DAB1: variants seen among roughly 807,000 people sequenced by gnomAD.
DAB1 encodes DAB adaptor protein 1, also known as disabled homolog 1.
Under a neutral mutation model 64.6 loss-of-function variants are expected in DAB1, and 15 were observed. That is an observed-to-expected ratio of 0.23 (90% CI 0.16 to 0.36). The LOEUF (loss-of-function observed/expected upper bound fraction) is 0.36. Among genes scored for constraint, DAB1 ranks in the 10% least tolerant of loss-of-function variants. DAB1 has a pLI of 1.00. For synonymous variants in DAB1, 235 were observed against 251.9 expected, an observed-to-expected ratio of 0.93 and a Z score of 0.64; for missense variants, 596 against 706.7, an observed-to-expected ratio of 0.84 and a Z score of 1.78.
intron 5 of DAB1, among the ~76,000 whole-genome samples, chr1:58,132,219 T>C (rs1653647077): frequency 6.6e-6 from 1 of 152,120 alleles, no homozygotes; most frequent in Non-Finnish European, 1.5e-5. Flanking sequence ...TGACCCGATT[T>C]TCCAGGTGCG....
intron 3 of DAB1, among the ~76,000 whole-genome samples, chr1:58,418,094 T>C (rs1398358458): frequency 1.3e-5 from 2 of 152,152 alleles, no homozygotes; most frequent in African/African-American, 2.4e-5. Context: ...ACCAAGGCAC[T>C]GTGCAATTCC....
intron 7 of DAB1, among the ~76,000 whole-genome samples, chr1:57,454,772 G>T (rs1686519869): frequency 6.6e-6 from 1 of 152,084 alleles, no homozygotes; most frequent in Non-Finnish European, 1.5e-5. Context: ...TGTGGCTAAA[G>T]ACCCCAGAAA....
chr1:58,373,205 G>A (rs1160259788), intron 3 of DAB1, among the ~76,000 whole-genome samples: 1 of 147,154 alleles, frequency 6.8e-6, no homozygotes, highest in African/African-American at 2.5e-5. Flanking sequence ...AAGTTTTAGG[G>A]TACATGTGCA....
At chr1:58,434,318 G>T (rs974381592) in intron 3 of DAB1, among the ~76,000 whole-genome samples, 3 of 151,886 alleles carry the variant, frequency 2.0e-5, no homozygotes, top group African/African-American at 7.3e-5. Flanking sequence ...ATGGTGAGAA[G>T]TAGTAGCTCT....
intron 3 of DAB1, among the ~76,000 whole-genome samples, chr1:58,499,775 T>A (rs920833475): frequency 2.0e-5 from 3 of 148,318 alleles, no homozygotes; most frequent in Admixed American, 6.7e-5. Context: ...TAAAAAATTT[T>A]AAAAATTAGT....
chr1:57,674,995 T>C (rs1250788689), intron 6 of DAB1, among the ~76,000 whole-genome samples: 1 of 152,182 alleles, frequency 6.6e-6, no homozygotes. Context: ...GAAATGTATG[T>C]GTCACTTCTG....
intron 1 of DAB1, among the ~76,000 whole-genome samples, chr1:57,321,994 C>T (rs1369434196): frequency 6.6e-6 from 1 of 152,250 alleles, no homozygotes; most frequent in Non-Finnish European, 1.5e-5. Context: ...ATGGCTCTCA[C>T]TGGCACAAAG....
intron 4 of DAB1, among the ~76,000 whole-genome samples, chr1:57,120,270 A>G (rs535261432): frequency 2.0e-5 from 3 of 152,252 alleles, no homozygotes; most frequent in Middle Eastern, 3.4e-3. Context: ...ATGAAATGAG[A>G]CCATTTTTAC....
intron 5 of DAB1, among the ~76,000 whole-genome samples, chr1:57,960,550 A>G (rs1645495113): frequency 6.6e-6 from 1 of 152,174 alleles, no homozygotes; most frequent in Non-Finnish European, 1.5e-5. Context: ...ATAGTTGAAT[A>G]AGGTAGTATA....
At chr1:57,693,717 C>G (rs1646791869) in intron 6 of DAB1, among the ~76,000 whole-genome samples, 1 of 152,144 alleles carries the variant, frequency 6.6e-6, no homozygotes, top group Non-Finnish European at 1.5e-5. Flanking sequence ...AGGTCTGCGG[C>G]TTCATTCTTG....
chr1:57,526,980 A>G (rs935169444), intron 7 of DAB1, among the ~76,000 whole-genome samples: 2 of 152,136 alleles, frequency 1.3e-5, no homozygotes, highest in Non-Finnish European at 2.9e-5. Flanking sequence ...CCCATTTAAT[A>G]CTCACCTCAA....
chr1:57,111,067 G>C (rs780152879), intron 4 of DAB1, among the ~76,000 whole-genome samples: 1 of 152,070 alleles, frequency 6.6e-6, no homozygotes, highest in Non-Finnish European at 1.5e-5. Context: ...GAAAGAAGAT[G>C]AATTCTTTGG....
intron 5 of DAB1, among the ~76,000 whole-genome samples, chr1:57,927,667 T>C (rs891030481): frequency 3.9e-5 from 6 of 152,236 alleles, no homozygotes; most frequent in Non-Finnish European, 8.8e-5. Context: ...CGACTTGTTA[T>C]GTTAAGTCAG....
At chr1:58,512,782 TAA>T (rs1200327350) in intron 2 of DAB1, among the ~76,000 whole-genome samples, 1 of 152,136 alleles carries the variant, frequency 6.6e-6, no homozygotes, top group Non-Finnish European at 1.5e-5. Flanking sequence ...TCAATGGATA[TAA>T]AGTCTCAGTT....
At chr1:58,326,665 A>G (rs1275369532) in intron 4 of DAB1, among the ~76,000 whole-genome samples, 1 of 152,230 alleles carries the variant, frequency 6.6e-6, no homozygotes, top group Non-Finnish European at 1.5e-5. Flanking sequence ...GTGGAAACCA[A>G]GGCCCAGAAA....
intron 7 of DAB1, among the ~76,000 whole-genome samples, chr1:57,432,333 AT>A (rs74260675): frequency 1.1e-3 from 168 of 148,544 alleles, no homozygotes; most frequent in East Asian, 2.8e-3. Flanking sequence ...CTACCTGGTA[AT>A]TTTTTTTTTT....
intron 5 of DAB1, among the ~76,000 whole-genome samples, chr1:58,103,574 C>T (rs1651456344): frequency 6.6e-6 from 1 of 152,136 alleles, no homozygotes; most frequent in Admixed American, 6.5e-5. Flanking sequence ...CAGTATGGCT[C>T]CATACTGCAC....
intron 6 of DAB1, among the ~76,000 whole-genome samples, chr1:57,719,347 T>C (rs956945734): frequency 3.3e-5 from 5 of 152,176 alleles, no homozygotes; most frequent in African/African-American, 1.2e-4. Flanking sequence ...ACAGGGTTTG[T>C]ACGTTTAAAA....
At chr1:58,409,705 G>T (rs1200191228) in intron 3 of DAB1, among the ~76,000 whole-genome samples, 1 of 152,170 alleles carries the variant, frequency 6.6e-6, no homozygotes, top group Non-Finnish European at 1.5e-5. Flanking sequence ...ATTCCATGGA[G>T]TTATATGATC....
Sources: allele counts gnomAD v4.1 joint callset (sites outside exome capture counted in the v4.1 genomes callset), GRCh38; gene constraint gnomAD v4.1.1; transcripts MANE v1.5; gene names NCBI Gene and HGNC (gene_info 2026-07-23, HGNC 2026-07-21).